The following SCUBE1 variants were observed in gnomAD, a reference collection of about 807,000 sequenced individuals.
The protein encoded by SCUBE1 is signal peptide, CUB domain and EGF like domain containing 1.
SCUBE1 carries 59 observed loss-of-function variants against 124.4 expected under a neutral mutation model. The observed-to-expected ratio is 0.47, with a 90% CI of 0.38 to 0.59. The LOEUF (loss-of-function observed/expected upper bound fraction) is 0.59, where lower values mean the gene tolerates loss of function less well. SCUBE1 is among the 20% of genes least tolerant of loss of function. SCUBE1 has a pLI of 0.00. For synonymous variants in SCUBE1, 545 were observed against 550.9 expected (o/e 0.99, Z 0.15); for missense variants, 1,150 against 1,371.2 (o/e 0.84, Z 2.55).
At chr22:43,236,593 G>A (rs577565664) in intron 7 of SCUBE1, among the ~76,000 whole-genome samples, 3 of 152,308 alleles carry the variant, frequency 2.0e-5, no homozygotes, top group East Asian at 1.9e-4. Context: ...CATCTGGCCC[G>A]CCTCCTTTGC....
At position 43,279,751 on chromosome 22, in the gene SCUBE1, T is replaced by C. The variant is rs60040881; in HGVS notation, c.484+11295A>G. The stretch of plus-strand genomic sequence containing the variant: ...CTCCACGCACTGTCTGGTCGGGACC[T>C]GCCTCAGGTTGGACCCTCCTACAGC... On this transcript the variant is annotated intron_variant, in intron 4 of 21. Transcript: ENST00000360835. Among the ~76,000 whole-genome samples, 450 of 152,314 alleles carry C rather than the reference T, an allele frequency of 3.0e-3. 5 individuals carry two copies. Among genetic ancestry groups the C allele is most frequent in the African/African-American group, 0.01 (417 of 41,562 alleles).
rs771223531 is a variant in SCUBE1 at position 43,231,763 on chromosome 22, G to A, written c.957C>T (p.Arg319=). The A allele has an allele frequency of 6.3e-7, 1 of 1,588,054 alleles. No homozygotes were observed. Among genetic ancestry groups the A allele is most frequent in the Non-Finnish European group, 8.6e-7 (1 of 1,168,598 alleles). Residue 319 remains arginine (R), a synonymous_variant, in exon 8 of 22, where the codon CGC becomes CGT. Coordinates refer to ENST00000360835, the MANE Select transcript of SCUBE1 (RefSeq NM_173050.5). ...ATGGCAGGGGCTCACCCTGGCAGGT[G>A]CGCTCGTCGGTGAGCAGCTTGTAGC... ...RKGYKLLTDE[R]TCQDIDECSF... is the part of the protein sequence containing the mutation.
At chr22:43,219,709 A>C (rs542591191) in intron 14 of SCUBE1, among the ~76,000 whole-genome samples, 1 of 152,152 alleles carries the variant, frequency 6.6e-6, no homozygotes, top group South Asian at 2.1e-4. Context: ...CCTGAACTCA[A>C]GTGATCCACC....
intron 6 of SCUBE1, among the ~76,000 whole-genome samples, chr22:43,240,667 G>A (rs541435999): frequency 1.2e-3 from 189 of 152,354 alleles, no homozygotes; most frequent in African/African-American, 4.3e-3. Flanking sequence ...CTTCCAGGGC[G>A]GAGGTGAGGG....
chr22:43,232,889 C>T (rs1188421239), intron 7 of SCUBE1, among the ~76,000 whole-genome samples: 1 of 152,230 alleles, frequency 6.6e-6, no homozygotes, highest in Non-Finnish European at 1.5e-5. Context: ...GCATTCTGTG[C>T]CATTAGAGGT....
At chr22:43,313,691 A>C (rs1926246715) in intron 3 of SCUBE1, among the ~76,000 whole-genome samples, 1 of 152,206 alleles carries the variant, frequency 6.6e-6, no homozygotes, top group Non-Finnish European at 1.5e-5. Flanking sequence ...GAAATTCCTC[A>C]ATAAAGATGT....
At chr22:43,294,479 C>A (rs982436688) in intron 3 of SCUBE1, among the ~76,000 whole-genome samples, 5 of 152,178 alleles carry the variant, frequency 3.3e-5, no homozygotes, top group African/African-American at 1.2e-4. Flanking sequence ...TACTTTGGCC[C>A]TCTCCAAGAG....
chr22:43,329,415 T>C (rs950553), intron 2 of SCUBE1, among the ~76,000 whole-genome samples: 62,867 of 152,192 alleles, frequency 0.41, 15,170 homozygotes, highest in African/African-American at 0.66. Context: ...CTCCTGCCCC[T>C]GCTGAACTCT....
chr22:43,262,898 G>C (rs1426685331), intron 4 of SCUBE1, 53 bp from the exon 5 acceptor site: 55 of 1,583,418 alleles, frequency 3.5e-5, no homozygotes, highest in Non-Finnish European at 4.7e-5. Flanking sequence ...GAGAGGGAGA[G>C]AGAAAATTTC....
At position 43,198,768 on chromosome 22, in the gene SCUBE1, T is replaced by C. The variant is rs1234136428; in HGVS notation, c.*5229A>G. ...AGGCTTCTCCCTGTGGGGCATGCACTGTGGCAGGCAAGGTGAGCAGGCTGT... is the reference window on the plus strand; with the variant it reads ...AGGCTTCTCCCTGTGGGGCATGCACCGTGGCAGGCAAGGTGAGCAGGCTGT... On this transcript the variant is annotated 3_prime_UTR_variant, in exon 22 of 22. Coordinates refer to ENST00000360835, the MANE Select transcript of SCUBE1 (RefSeq NM_173050.5). 4.4e-6 allele frequency: 2 copies of C among 452,954 alleles called. No homozygotes were observed. Among genetic ancestry groups the C allele is most frequent in the South Asian group, 1.6e-5 (1 of 64,264 alleles). The allele number at this position is 452,954 out of a possible 1,614,324, so 28.1% of individuals were successfully genotyped here. A position where few individuals can be genotyped will look rare whatever the true frequency, so the allele number is the denominator to read the frequency against.
rs748748960 is a variant in SCUBE1 at position 43,211,007 on chromosome 22, G to C, written c.2298C>G (p.Pro766=). ...TGATGCAGTGGTTCTGGCCAAACTC[G>C]GGCTGGTAGGTGCCGACGGGGCAGC... is the stretch of plus-strand genomic sequence containing the variant. ...CIRCPVGTYQ[P]EFGQNHCITC... The change falls in exon 18 of 22, where the codon CCC becomes CCG. Residue 766 remains proline (P), a synonymous_variant. Transcript: ENST00000360835. The surrounding 1 kb of genome is among the most constrained non-coding windows in gnomAD (Gnocchi z 4.5). 2 of 1,614,112 alleles carry C rather than the reference G, an allele frequency of 1.2e-6. No individual in the cohort carries two copies. Among genetic ancestry groups the C allele is most frequent in the Non-Finnish European group, 1.7e-6 (2 of 1,180,024 alleles).
At chr22:43,248,493 G>C (rs970372651) in intron 6 of SCUBE1, among the ~76,000 whole-genome samples, 1 of 152,240 alleles carries the variant, frequency 6.6e-6, no homozygotes, top group Non-Finnish European at 1.5e-5. Flanking sequence ...GTGAGTGTGA[G>C]ACAGTGAGGG....
At chr22:43,242,885 G>A (rs1923062023) in intron 6 of SCUBE1, among the ~76,000 whole-genome samples, 1 of 152,194 alleles carries the variant, frequency 6.6e-6, no homozygotes, top group Admixed American at 6.5e-5. Flanking sequence ...CCTCACAGCA[G>A]CCCCGGGGGA....
chr22:43,320,635 G>C (rs6003154), intron 2 of SCUBE1, among the ~76,000 whole-genome samples: 8,100 of 152,236 alleles, frequency 0.053, 722 homozygotes, highest in African/African-American at 0.18. Context: ...AGAATGATAG[G>C]AACACGCCTA....
chr22:43,275,574 T>C (rs778207012), intron 4 of SCUBE1, among the ~76,000 whole-genome samples: 16 of 152,224 alleles, frequency 1.1e-4, no homozygotes, highest in Non-Finnish European at 2.4e-4. Flanking sequence ...TTCAAACACA[T>C]GAGTGCAAGT....
intron 2 of SCUBE1, among the ~76,000 whole-genome samples, chr22:43,320,983 C>A (rs1419453188): frequency 2.0e-5 from 3 of 152,210 alleles, no homozygotes; most frequent in East Asian, 1.9e-4. Flanking sequence ...GGGTCTTCAG[C>A]ATCCCCCTGA....
chr22:43,238,734 G>A (rs541868251), intron 7 of SCUBE1, 104 bp downstream of exon 7: 73 of 897,936 alleles, frequency 8.1e-5, no homozygotes, highest in Non-Finnish European at 1.3e-4. Flanking sequence ...ACAGCTACAC[G>A]TGGCCCCCGT....
chr22:43,204,941 C>CAAA (rs55783565), intron 21 of SCUBE1, among the ~76,000 whole-genome samples: 15 of 77,302 alleles, frequency 1.9e-4, no homozygotes, highest in South Asian at 4.3e-4. Flanking sequence ...GAGACTGTCT[C>CAAA]AAAAAAAAAA....
At chr22:43,206,844 C>G (rs1416472123) in intron 21 of SCUBE1, among the ~76,000 whole-genome samples, 1 of 152,194 alleles carries the variant, frequency 6.6e-6, no homozygotes, top group African/African-American at 2.4e-5. Context: ...TGGTTTCTGC[C>G]TAAGCAGCTT....
Sources: gnomAD v4.1 joint callset for allele counts (sites outside exome capture counted in the v4.1 genomes callset) on GRCh38, gnomAD v4.1.1 for gene constraint, Gnocchi (gnomAD v3.1) non-coding constraint, MANE v1.5 for transcripts, NCBI Gene and HGNC (gene_info 2026-07-23, HGNC 2026-07-21) for gene names.